Variants in PRKCE observed in about 807,000 individuals in gnomAD.
PRKCE encodes the protein protein kinase C epsilon type.
A neutral mutation model predicts 85.4 loss-of-function variants in PRKCE; 16 were observed. That is an observed-to-expected ratio of 0.19 (90% CI 0.13 to 0.28). PRKCE has a LOEUF of 0.28. PRKCE is among the 10% of genes least tolerant of loss of function. The pLI is 1.00. For synonymous variants in PRKCE, 388 were observed against 371.5 expected (o/e 1.04, Z -0.51); for missense variants, 573 against 975.2 (o/e 0.59, Z 5.49).
At chr2:45,784,785 T>C (rs1326100030) in intron 1 of PRKCE, among the ~76,000 whole-genome samples, 2 of 152,194 alleles carry the variant, frequency 1.3e-5, no homozygotes, top group Admixed American at 1.3e-4. Context: ...CCTATGGGGA[T>C]AGAAAGGAAA....
At chr2:46,149,721 ATAT>A (rs1676422178) in intron 12 of PRKCE, among the ~76,000 whole-genome samples, 1 of 12,698 alleles carries the variant, frequency 7.9e-5, no homozygotes, top group Admixed American at 2.5e-3. Context: ...ATTTTTATAT[ATAT>A]GTATTTATAT....
intron 2 of PRKCE, among the ~76,000 whole-genome samples, chr2:45,940,304 C>T (rs1699782919): frequency 6.6e-6 from 1 of 152,084 alleles, no homozygotes; most frequent in Non-Finnish European, 1.5e-5. Context: ...ACACAGTGCC[C>T]AGAGTAGGCA....
At chr2:45,797,230 G>C (rs769696096) in intron 1 of PRKCE, among the ~76,000 whole-genome samples, 5 of 152,198 alleles carry the variant, frequency 3.3e-5, no homozygotes, top group African/African-American at 1.2e-4. Flanking sequence ...CAGTTGGAAG[G>C]CCACTTTACT....
intron 10 of PRKCE, among the ~76,000 whole-genome samples, chr2:46,043,940 A>G (rs1180959051): frequency 6.6e-6 from 1 of 152,242 alleles, no homozygotes; most frequent in Non-Finnish European, 1.5e-5. Context: ...ATCTTTCTGC[A>G]TAGGAGAGTC....
In PRKCE at chr2:45,661,541, T is replaced by TG. The variant is rs1403475612; in HGVS notation, c.348+9093_348+9094insG. 5.7e-4 allele frequency among the ~76,000 whole-genome samples: 78 copies of TG among 137,366 alleles called. 2 individuals carry two copies. The highest frequency in any genetic ancestry group is 2.1e-3 in the African/African-American group (76 of 36,768). 90.1% of individuals were successfully genotyped at this position (137,366 alleles called of 152,430 possible). ...GTTTTTTGTTTTTTGTTTTTTTTTT[T>TG]TTTTTTAGAAGGAGTCTCGCTCTGT... is the stretch of plus-strand genomic sequence containing the variant. On this transcript the variant is annotated intron_variant, in intron 1 of 14. Transcript: ENST00000306156.
intron 11 of PRKCE, among the ~76,000 whole-genome samples, chr2:46,118,712 G>A (rs2104306487): frequency 6.6e-6 from 1 of 152,230 alleles, no homozygotes; most frequent in Admixed American, 6.5e-5. Flanking sequence ...GAGACCTAAG[G>A]AAAAAGACTT....
At chr2:45,868,907 A>G (rs911655855) in intron 2 of PRKCE, among the ~76,000 whole-genome samples, 2 of 151,496 alleles carry the variant, frequency 1.3e-5, no homozygotes, top group South Asian at 2.1e-4. Flanking sequence ...GCAGTGAGCC[A>G]AGATCGTGCC....
intron 14 of PRKCE, among the ~76,000 whole-genome samples, chr2:46,169,505 A>G (rs1427643539): frequency 1.3e-5 from 2 of 152,166 alleles, no homozygotes; most frequent in African/African-American, 4.8e-5. Flanking sequence ...TCAATGGAGT[A>G]TTTCAGGTGT....
At chr2:46,109,306 T>C (rs538737624) in intron 11 of PRKCE, among the ~76,000 whole-genome samples, 25 of 152,314 alleles carry the variant, frequency 1.6e-4, no homozygotes, top group Admixed American at 1.6e-3. Flanking sequence ...CTTAACAATA[T>C]TGAAGCTTCT....
At chr2:45,784,411 G>C (rs935934654) in intron 1 of PRKCE, among the ~76,000 whole-genome samples, 1 of 152,226 alleles carries the variant, frequency 6.6e-6, no homozygotes, top group Admixed American at 6.5e-5. Flanking sequence ...CATTTGGAGA[G>C]CTTAAAAGAT....
rs921923825 is a variant in PRKCE, at chr2:46,154,027, C to T, written c.1920+2798C>T. 7.4e-4 allele frequency among the ~76,000 whole-genome samples: 113 copies of T among 152,144 alleles called. 1 individual carries two copies. Among genetic ancestry groups the T allele is most frequent in the Admixed American group, 1.3e-3 (20 of 15,294 alleles). ...GTCTCCATCTCCTGACCTCGTGATC[C>T]GCCCGCCTCAGCCTCACAAAGTGCT... On this transcript the variant is annotated intron_variant, in intron 13 of 14. Coordinates refer to ENST00000306156, the MANE Select transcript of PRKCE (RefSeq NM_005400.3).
chr2:46,117,917 A>G (rs987526420), intron 11 of PRKCE, among the ~76,000 whole-genome samples: 2 of 152,202 alleles, frequency 1.3e-5, no homozygotes, highest in Non-Finnish European at 2.9e-5. Flanking sequence ...GAGTGGGGTC[A>G]TCTGAGGTAA....
At chr2:46,080,472 A>T (rs1359233664) in intron 10 of PRKCE, among the ~76,000 whole-genome samples, 1 of 152,222 alleles carries the variant, frequency 6.6e-6, no homozygotes, top group Non-Finnish European at 1.5e-5. Context: ...ATGTGGGGAA[A>T]CCAACTCTGG....
At chr2:45,880,261 A>C (rs1694781986) in intron 2 of PRKCE, among the ~76,000 whole-genome samples, 1 of 152,214 alleles carries the variant, frequency 6.6e-6, no homozygotes, top group Non-Finnish European at 1.5e-5. Context: ...TTTGTCCATT[A>C]ATCTGTTATC....
intron 2 of PRKCE, among the ~76,000 whole-genome samples, chr2:45,932,398 A>G (rs936624855): frequency 6.6e-6 from 1 of 152,208 alleles, no homozygotes; most frequent in Non-Finnish European, 1.5e-5. Flanking sequence ...TGGTGAACAA[A>G]TGTACACGCT....
intron 10 of PRKCE, among the ~76,000 whole-genome samples, chr2:46,056,391 T>C (rs1666584366): frequency 6.6e-6 from 1 of 152,202 alleles, no homozygotes; most frequent in Non-Finnish European, 1.5e-5. Context: ...GCCCCTGCTG[T>C]GAGCTAAGCA....
At chr2:45,980,465 C>T in intron 5 of PRKCE, 84 bp downstream of exon 5, 1 of 1,263,276 alleles carries the variant, frequency 7.9e-7, no homozygotes, top group Non-Finnish European at 1.1e-6. Flanking sequence ...CCCAAGAAAA[C>T]CTTCTCTGCC....
chr2:45,753,117 C>T (rs1202245051), intron 1 of PRKCE, among the ~76,000 whole-genome samples: 1 of 151,886 alleles, frequency 6.6e-6, no homozygotes, highest in Admixed American at 6.5e-5. Flanking sequence ...ATACCGCTGT[C>T]GTGTGTTTAA....
Position 46,001,698 on chromosome 2 carries a change from A to T in PRKCE, c.966+152A>T. ...AGTACTTAAAGAAAAAAACAAAGAT[A>T]GAAGCCAGGCAGGTAACATTAATGT... is the stretch of plus-strand genomic sequence containing the variant. On this transcript the variant is annotated intron_variant, in intron 7 of 14. Coordinates refer to ENST00000306156, the MANE Select transcript of PRKCE (RefSeq NM_005400.3). The surrounding 1 kb of genome is among the most constrained non-coding windows in gnomAD (Gnocchi z 4.4). 2 of 928,814 alleles carry T rather than the reference A, an allele frequency of 2.2e-6. No homozygotes were observed. Among genetic ancestry groups the T allele is most frequent in the South Asian group, 5.4e-5 (2 of 36,866 alleles). The allele number at this position is 928,814 out of a possible 1,614,324, so 57.5% of individuals were successfully genotyped here.
Sources: gnomAD v4.1 joint callset for allele counts (sites outside exome capture counted in the v4.1 genomes callset) on GRCh38, gnomAD v4.1.1 for gene constraint, Gnocchi (gnomAD v3.1) non-coding constraint, MANE v1.5 for transcripts, NCBI Gene and HGNC (gene_info 2026-07-23, HGNC 2026-07-21) for gene names.